The following NLN variants were observed in gnomAD, a reference collection of about 807,000 sequenced individuals.
NLN encodes neurolysin.
NLN carries 64 observed loss-of-function variants against 79.9 expected under a neutral mutation model. That is an observed-to-expected ratio of 0.80 (90% CI 0.65 to 0.99). NLN has a LOEUF of 0.99. Among genes scored for constraint, NLN ranks in the 50% least tolerant of loss-of-function variants. The pLI, the probability that NLN is intolerant of heterozygous loss-of-function variation, is 0.00. For missense variants in NLN, 835 were observed against 858.7 expected, an observed-to-expected ratio of 0.97 and a Z score of 0.34; for synonymous variants, 267 against 296.6, an observed-to-expected ratio of 0.90 and a Z score of 1.02.
intron 1 of NLN, among the ~76,000 whole-genome samples, chr5:65,756,814 T>A (rs1759230220): frequency 6.6e-6 from 1 of 152,218 alleles, no homozygotes. Context: ...AGGTTGGATG[T>A]TCTGATGATT....
chr5:65,765,842 C>T (rs1371749220), intron 3 of NLN, among the ~76,000 whole-genome samples: 1 of 152,136 alleles, frequency 6.6e-6, no homozygotes, highest in Non-Finnish European at 1.5e-5. Context: ...ATTCCCAAGA[C>T]ACCAATAATA....
chr5:65,761,741 A>G (rs1322509441), intron 2 of NLN, among the ~76,000 whole-genome samples: 1 of 152,214 alleles, frequency 6.6e-6, no homozygotes, highest in Non-Finnish European at 1.5e-5. Context: ...TAATTTCATA[A>G]TTTGATATTT....
At chr5:65,793,889 A>G (rs1760117800) in intron 9 of NLN, among the ~76,000 whole-genome samples, 1 of 152,218 alleles carries the variant, frequency 6.6e-6, no homozygotes, top group African/African-American at 2.4e-5. Context: ...GTCATAGCTA[A>G]GAAGCCAGCA....
At chr5:65,806,645 T>C (rs1370641760) in intron 9 of NLN, among the ~76,000 whole-genome samples, 1 of 152,176 alleles carries the variant, frequency 6.6e-6, no homozygotes, top group Non-Finnish European at 1.5e-5. Context: ...TTATATGCAA[T>C]CTACTCCTGG....
At chr5:65,793,771 G>A (rs1220214047) in intron 9 of NLN, 1 of 152,076 alleles carries the variant, frequency 6.6e-6, no homozygotes, top group Non-Finnish European at 1.5e-5. Flanking sequence ...TTTTTATTAG[G>A]ATACTTTTAG....
Position 65,803,245 on chromosome 5 carries a change from AG to A in NLN, c.1528-6268del, listed in dbSNP as rs1194973208. Among the ~76,000 whole-genome samples, 68 of 152,290 alleles carry A rather than the reference AG, an allele frequency of 4.5e-4. 1 individual carries two copies. The highest frequency in any genetic ancestry group is 3.9e-4 in the East Asian group (2 of 5,174). ...ACCAGGGACCCACCCCTTTCTGCCC[AG>A]GAACCTGTCTGCCTGCTACCACTGT... On this transcript the variant is annotated intron_variant, in intron 9 of 12. Coordinates refer to ENST00000380985, the MANE Select transcript of NLN (RefSeq NM_020726.5).
chr5:65,783,423 C>T (rs1010216626), intron 6 of NLN, among the ~76,000 whole-genome samples: 1 of 152,066 alleles, frequency 6.6e-6, no homozygotes, highest in Non-Finnish European at 1.5e-5. Context: ...TCACAGCCAG[C>T]AAGGCAAAGA....
At chr5:65,731,496 G>A (rs183736641) in intron 1 of NLN, among the ~76,000 whole-genome samples, 1 of 152,184 alleles carries the variant, frequency 6.6e-6, no homozygotes, top group African/African-American at 2.4e-5. Context: ...TTTATTTTGG[G>A]ATTTTTAAAA....
At chr5:65,808,519 G>T (rs1373063319) in intron 9 of NLN, among the ~76,000 whole-genome samples, 1 of 152,194 alleles carries the variant, frequency 6.6e-6, no homozygotes, top group African/African-American at 2.4e-5. Context: ...TCTGCCAATG[G>T]CAGTTTTACA....
At chr5:65,769,219 G>A (rs1759516808) in intron 3 of NLN, among the ~76,000 whole-genome samples, 1 of 152,210 alleles carries the variant, frequency 6.6e-6, no homozygotes. Flanking sequence ...ATCTCAGTCT[G>A]GGGAGTATCA....
At chr5:65,759,418 A>G (rs1759293802) in intron 2 of NLN, among the ~76,000 whole-genome samples, 1 of 145,872 alleles carries the variant, frequency 6.9e-6, no homozygotes, top group Non-Finnish European at 1.5e-5. Flanking sequence ...GTGTGTGTGT[A>G]AGTATATATA....
At chr5:65,764,797 C>G (rs1759417258) in intron 3 of NLN, among the ~76,000 whole-genome samples, 1 of 152,136 alleles carries the variant, frequency 6.6e-6, no homozygotes, top group South Asian at 2.1e-4. Context: ...TTTGCTAACT[C>G]TACATCAGGA....
chr5:65,768,343 G>C (rs1759498830), intron 3 of NLN, among the ~76,000 whole-genome samples: 1 of 152,118 alleles, frequency 6.6e-6, no homozygotes, highest in Non-Finnish European at 1.5e-5. Flanking sequence ...ATGGTGGCAG[G>C]AGAGAGAGTG....
intron 9 of NLN, among the ~76,000 whole-genome samples, chr5:65,796,519 A>G (rs1314915916): frequency 6.6e-6 from 1 of 152,226 alleles, no homozygotes; most frequent in East Asian, 1.9e-4. Flanking sequence ...CTCATCCATG[A>G]GCACAAATGT....
chr5:65,759,349 T>G (rs1274209924), intron 2 of NLN, among the ~76,000 whole-genome samples: 1 of 151,778 alleles, frequency 6.6e-6, no homozygotes, highest in Non-Finnish European at 1.5e-5. Flanking sequence ...TTATCAATGG[T>G]TTTGTTAGGA....
intron 9 of NLN, among the ~76,000 whole-genome samples, chr5:65,803,510 G>C (rs11743361): frequency 0.11 from 16,130 of 152,242 alleles, 1,044 homozygotes; most frequent in Admixed American, 0.21. Flanking sequence ...CCGCTAATGG[G>C]TTGGGGGAGC....
chr5:65,758,648 T>C lies in NLN; in HGVS notation c.123T>C (p.Thr41=). The C allele has an allele frequency of 6.2e-7, 1 of 1,613,538 alleles. No individual in the cohort carries two copies. The change falls in exon 2 of 13, where the codon ACT becomes ACC. Residue 41 remains threonine (T), a synonymous_variant. Transcript: ENST00000380985. The stretch of plus-strand genomic sequence containing the variant: ...CTCTTCAGGCAATGTCTTCCTATAC[T>C]GTGGCTGGCAGAAATGTTTTAAGAT... ...MSPLQAMSSY[T]VAGRNVLRWD...
At chr5:65,789,564 G>T (rs992806204) in intron 8 of NLN, among the ~76,000 whole-genome samples, 57 of 152,096 alleles carry the variant, frequency 3.7e-4, no homozygotes, top group African/African-American at 1.4e-3. Context: ...ATCACTTGAG[G>T]TCGGGAGTTC....
Position 65,732,148 on chromosome 5 carries a change from A to G in NLN, c.41+9734A>G, listed in dbSNP as rs115830988. Among the ~76,000 whole-genome samples, 1,059 of 152,344 alleles carry G rather than the reference A, an allele frequency of 7.0e-3. 6 individuals are homozygous for G. Among genetic ancestry groups the G allele is most frequent in the African/African-American group, 0.024 (986 of 41,572 alleles). On this transcript the variant is annotated intron_variant, in intron 1 of 12. Transcript: ENST00000380985. ...TTTTTTAAAAAGACTTCTTCAAATT[A>G]TTGAGTGAAACAAAAAGGAAATCAA...
Sources: gnomAD v4.1 joint callset for allele counts (sites outside exome capture counted in the v4.1 genomes callset) on GRCh38, gnomAD v4.1.1 for gene constraint, MANE v1.5 for transcripts, NCBI Gene and HGNC (gene_info 2026-07-23, HGNC 2026-07-21) for gene names.